ZNF732: variants seen among roughly 807,000 people sequenced by gnomAD.
ZNF732 encodes the protein zinc finger protein 732.
In ZNF732, 12 loss-of-function variants were observed where a neutral mutation model predicts 11.5. That is an observed-to-expected ratio of 1.05 (90% CI 0.67 to 1.70). The LOEUF is 1.70. ZNF732 is among the 40% of genes most tolerant of loss of function. The probability of loss-of-function intolerance (pLI) is 0.00; values close to 1 mark genes in which losing one functional copy is unlikely to be tolerated. For synonymous variants in ZNF732, 231 were observed against 236.5 expected, an observed-to-expected ratio of 0.98 and a Z score of 0.21; for missense variants, 702 against 676.9, an observed-to-expected ratio of 1.04 and a Z score of -0.41.
intron 3 of ZNF732, among the ~76,000 whole-genome samples, chr4:279,934 T>G (rs921270707): frequency 5.3e-5 from 8 of 152,184 alleles, no homozygotes; most frequent in Admixed American, 5.2e-4. Flanking sequence ...ACCACATAGA[T>G]AACTTTTATA....
At chr4:279,445 C>A (rs1317775788) in intron 3 of ZNF732, among the ~76,000 whole-genome samples, 183 of 130,826 alleles carry the variant, frequency 1.4e-3, no homozygotes, top group Middle Eastern at 7.8e-3. Context: ...GACTCCGTCT[C>A]AAAAAAAAAA....
At chr4:281,551 A>G (rs1719622022) in intron 3 of ZNF732, among the ~76,000 whole-genome samples, 1 of 152,232 alleles carries the variant, frequency 6.6e-6, no homozygotes, top group Non-Finnish European at 1.5e-5. Context: ...TTCTCAGAAA[A>G]TAGAATCCAC....
intron 3 of ZNF732, among the ~76,000 whole-genome samples, chr4:276,834 C>T (rs1382780358): frequency 1.3e-5 from 2 of 151,236 alleles, no homozygotes; most frequent in African/African-American, 4.9e-5. Flanking sequence ...CACCAAAGAC[C>T]CCCAAATAGC....
chr4:288,738 G>C (rs1286894739), intron 3 of ZNF732, among the ~76,000 whole-genome samples: 2 of 152,146 alleles, frequency 1.3e-5, no homozygotes, highest in African/African-American at 4.8e-5. Context: ...CTATGTAAAT[G>C]TAAGAATTTT....
chr4:289,805 G>A (rs782391939), intron 3 of ZNF732, among the ~76,000 whole-genome samples: 3 of 152,136 alleles, frequency 2.0e-5, no homozygotes, highest in Non-Finnish European at 4.4e-5. Flanking sequence ...GGTACTAAAC[G>A]ATTCATGAGA....
At chr4:298,599 G>A (rs73791820) in intron 1 of ZNF732, among the ~76,000 whole-genome samples, 8,825 of 152,210 alleles carry the variant, frequency 0.058, 415 homozygotes, top group African/African-American at 0.13. Context: ...TCAAATACAG[G>A]TGCTGGTTGA....
intron 3 of ZNF732, among the ~76,000 whole-genome samples, chr4:274,681 G>GAGATTTCATGCAAATAACCAAATAA (rs1719456503): frequency 6.6e-6 from 1 of 151,530 alleles, no homozygotes; most frequent in Non-Finnish European, 1.5e-5. Flanking sequence ...AATGAAAGAA[G>GAGATTTCATGCAAATAACCAAATAA]AGATTTCATG....
chr4:274,875 G>A (rs901794517), intron 3 of ZNF732, among the ~76,000 whole-genome samples: 4 of 151,674 alleles, frequency 2.6e-5, no homozygotes. Context: ...TAATATGTGT[G>A]TGTGTCTCCC....
intron 3 of ZNF732, among the ~76,000 whole-genome samples, chr4:284,868 C>CT (rs1719697364): frequency 1.7e-5 from 1 of 58,848 alleles, no homozygotes; most frequent in Non-Finnish European, 3.0e-5. Flanking sequence ...GAGACTCTGT[C>CT]TCAAAAAAAA....
intron 3 of ZNF732, among the ~76,000 whole-genome samples, chr4:283,752 A>G (rs1344176975): frequency 1.3e-5 from 2 of 152,194 alleles, no homozygotes; most frequent in African/African-American, 4.8e-5. Flanking sequence ...AACTGCACCA[A>G]AAGACATATA....
At chr4:304,720 C>T (rs782063168) in intron 1 of ZNF732, among the ~76,000 whole-genome samples, 21 of 152,348 alleles carry the variant, frequency 1.4e-4, no homozygotes, top group South Asian at 6.2e-4. Context: ...GCGCCCACAC[C>T]AGCGTATTCT....
chr4:286,834 ACCT>A (rs1408156698), intron 3 of ZNF732, among the ~76,000 whole-genome samples: 1 of 152,140 alleles, frequency 6.6e-6, no homozygotes, highest in African/African-American at 2.4e-5. Flanking sequence ...ATTATACAAT[ACCT>A]CCTTTCAGAC....
At chr4:281,254 G>A (rs184761392) in intron 3 of ZNF732, among the ~76,000 whole-genome samples, 3 of 152,258 alleles carry the variant, frequency 2.0e-5, no homozygotes, top group African/African-American at 7.2e-5. Context: ...GAGAAATACC[G>A]TTAACCCAGA....
Position 299,450 on chromosome 4 carries a change from T to TATAC in ZNF732, c.4-3296_4-3295insGTAT, listed in dbSNP as rs1560165248. On this transcript the variant is annotated intron_variant, in intron 1 of 3. Coordinates refer to ENST00000419098, the MANE Select transcript of ZNF732 (RefSeq NM_001137608.3). ...ACACATATGTGTATATATATATATA[T>TATAC]ACACATATGTGTATATATATATACA... Among the ~76,000 whole-genome samples the TATAC allele has an allele frequency of 9.6e-5, 7 of 72,694 alleles. 1 individual carries two copies. The highest frequency in any genetic ancestry group is 1.8e-4 in the African/African-American group (4 of 21,928). The allele number at this position is 72,694 out of a possible 152,430, so 47.7% of individuals were successfully genotyped here.
In ZNF732 at chr4:272,242, T is replaced by C; in HGVS notation, c.615A>G (p.Lys205=). 1.2e-6 allele frequency: 2 copies of C among 1,610,082 alleles called. No homozygotes were observed. Among genetic ancestry groups the C allele is most frequent in the Non-Finnish European group, 1.7e-6 (2 of 1,178,276 alleles). ...YTCEECGKDF[K]WYLIFNEYEI... ...CATATTCATTAAAGATTAAATACCATTTAAAGTCTTTGCCACATTCTTCAC... is the reference window on the plus strand; with the variant it reads ...CATATTCATTAAAGATTAAATACCACTTAAAGTCTTTGCCACATTCTTCAC... Residue 205 remains lysine, a synonymous_variant, in exon 4 of 4, where the codon AAA becomes AAG. Coordinates refer to ENST00000419098, the MANE Select transcript of ZNF732 (RefSeq NM_001137608.3).
chr4:296,386 C>T (rs1719953111), intron 1 of ZNF732, among the ~76,000 whole-genome samples: 2 of 152,022 alleles, frequency 1.3e-5, no homozygotes, highest in South Asian at 4.2e-4. Flanking sequence ...CCTACCAAAA[C>T]CAAGCAGAGT....
chr4:290,517 G>GC (rs1719824810), intron 3 of ZNF732, among the ~76,000 whole-genome samples: 2 of 152,310 alleles, frequency 1.3e-5, no homozygotes, highest in African/African-American at 4.8e-5. Context: ...CCCTGAAGCA[G>GC]CCCTGTGACT....
intron 1 of ZNF732, among the ~76,000 whole-genome samples, chr4:297,961 T>C (rs1003090310): frequency 6.6e-6 from 1 of 152,204 alleles, no homozygotes; most frequent in Non-Finnish European, 1.5e-5. Flanking sequence ...TTTTGTCTTT[T>C]CTAAGCCTCC....
intron 3 of ZNF732, among the ~76,000 whole-genome samples, chr4:291,084 C>T (rs553262509): frequency 1.3e-5 from 2 of 152,104 alleles, no homozygotes; most frequent in African/African-American, 4.8e-5. Flanking sequence ...AAAAGGAGAA[C>T]AAAGCTCTCC....
Sources: allele counts gnomAD v4.1 joint callset (sites outside exome capture counted in the v4.1 genomes callset), GRCh38; gene constraint gnomAD v4.1.1; transcripts MANE v1.5; gene names NCBI Gene and HGNC (gene_info 2026-07-23, HGNC 2026-07-21).